Variants in PCDHA9 observed in about 807,000 individuals in gnomAD.
PCDHA9 encodes the protein protocadherin alpha-9.
Under a neutral mutation model 62.0 loss-of-function variants are expected in PCDHA9, and 62 were observed. That is an observed-to-expected ratio of 1.00 (90% confidence interval 0.81 to 1.23). The LOEUF (loss-of-function observed/expected upper bound fraction) is 1.23. Ranked by LOEUF, PCDHA9 falls within the 50% of genes most tolerant of loss-of-function variation. The pLI, the probability that PCDHA9 is intolerant of heterozygous loss-of-function variation, is 0.00. For synonymous variants in PCDHA9, 557 were observed against 567.6 expected (o/e 0.98, Z 0.27); for missense variants, 1,205 against 1,249.8 (o/e 0.96, Z 0.54).
chr5:140,871,393 C>T (rs782354799), intron 1 of PCDHA9: 1 of 1,614,130 alleles, frequency 6.2e-7, no homozygotes, highest in Non-Finnish European at 8.5e-7. Context: ...GGAGGGCCCA[C>T]CTAAGACGGA....
chr5:140,904,742 T>G (rs1300439121), intron 1 of PCDHA9, among the ~76,000 whole-genome samples: 1 of 152,216 alleles, frequency 6.6e-6, no homozygotes, highest in African/African-American at 2.4e-5. Context: ...TTTTTTATTA[T>G]GACCATTTTT....
intron 1 of PCDHA9, among the ~76,000 whole-genome samples, chr5:140,975,246 G>T (rs1304794782): frequency 6.6e-6 from 1 of 152,136 alleles, no homozygotes; most frequent in Non-Finnish European, 1.5e-5. Context: ...TCCCTCTTAT[G>T]CTTCAGATCT....
At chr5:140,897,451 TC>T (rs2066120094) in intron 1 of PCDHA9, among the ~76,000 whole-genome samples, 1 of 151,584 alleles carries the variant, frequency 6.6e-6, no homozygotes, top group Non-Finnish European at 1.5e-5. Context: ...TGGTTTTTTG[TC>T]CTTGCGATAG....
At chr5:140,986,511 C>T (rs181646630) in intron 3 of PCDHA9, among the ~76,000 whole-genome samples, 76 of 152,288 alleles carry the variant, frequency 5.0e-4, no homozygotes, top group African/African-American at 1.8e-3. Context: ...AAGGACTGCC[C>T]CTGCCTGTGA....
intron 1 of PCDHA9, among the ~76,000 whole-genome samples, chr5:140,972,097 T>C (rs1554233843): frequency 1.3e-5 from 2 of 152,196 alleles, no homozygotes; most frequent in South Asian, 2.1e-4. Context: ...ATTTCTGGCA[T>C]AGAAGCAGGT....
rs1378161589 is a variant in PCDHA9 at position 140,853,784 on chromosome 5, G to A, written c.2394+2895G>A. Reference sequence around the variant, plus strand: ...AGAAATTCTGAAATGGGTAGTAAGAGCAAATTTTCATTTTAAAGCACACCT... The same window carrying A: ...AGAAATTCTGAAATGGGTAGTAAGAACAAATTTTCATTTTAAAGCACACCT... On this transcript the variant is annotated intron_variant, in intron 1 of 3. Coordinates refer to ENST00000532602, the MANE Select transcript of PCDHA9 (RefSeq NM_031857.2). The A allele has an allele frequency of 6.1e-6, 6 of 987,548 alleles. 1 individual carries two copies. Among genetic ancestry groups the A allele is most frequent in the Non-Finnish European group, 7.3e-6 (6 of 819,678 alleles). The allele number at this position is 987,548 out of a possible 1,614,324, so 61.2% of individuals were successfully genotyped here.
In PCDHA9 at chr5:141,009,914, A is replaced by T; in HGVS notation, c.2830A>T (p.Thr944Ser). The change falls in exon 4 of 4, where the codon ACG (threonine) becomes TCG (serine). Residue 944 changes from threonine (T) to serine (S), a missense_variant. Thr to Ser is a moderately conservative substitution (Grantham distance 58). Coordinates refer to ENST00000532602, the MANE Select transcript of PCDHA9 (RefSeq NM_031857.2). ...GGAGAAAAAAGAGAAAGGGAACAGCACGACTGACAACAGTGACCAGTGAGG... is the reference window on the plus strand; with the variant it reads ...GGAGAAAAAAGAGAAAGGGAACAGCTCGACTGACAACAGTGACCAGTGAGG... ...TQEKKEKGNSTTDNSDQ is the reference protein window; with the variant it reads ...TQEKKEKGNSSTDNSDQ The T allele has an allele frequency of 6.2e-7, 1 of 1,611,466 alleles. No homozygotes were observed. The highest frequency in any genetic ancestry group is 8.5e-7 in the Non-Finnish European group (1 of 1,179,328).
At chr5:140,851,804 A>G (rs2042163205) in intron 1 of PCDHA9, 6 of 945,718 alleles carry the variant, frequency 6.3e-6, no homozygotes, top group Non-Finnish European at 7.7e-6. Context: ...TCTGTCAGTA[A>G]TCCATAAGAC....
rs2150456156 is a variant in PCDHA9, at chr5:140,849,880, T to G, written c.1385T>G (p.Val462Gly). The change falls in exon 1 of 4, where the codon GTG (valine) becomes GGG (glycine). Residue 462 changes from valine to glycine, a missense_variant. By Grantham distance (109) the Val-to-Gly change is moderately radical (BLOSUM62 -3). Transcript: ENST00000532602. ...APAFAQSEYT[V>G]FVKENNPPGC... ...GCGTTCGCGCAGTCCGAGTACACGG[T>G]GTTCGTGAAGGAGAACAACCCGCCG... 3.1e-6 allele frequency: 5 copies of G among 1,598,328 alleles called. No individual in the cohort carries two copies. Among genetic ancestry groups the G allele is most frequent in the Non-Finnish European group, 4.3e-6 (5 of 1,167,902 alleles).
intron 1 of PCDHA9, chr5:140,858,898 G>A (rs1260279768): frequency 4.9e-6 from 1 of 204,806 alleles, no homozygotes; most frequent in East Asian, 1.4e-4. Context: ...AATATGTGTA[G>A]CGTACCACAG....
At chr5:140,883,066 C>G in intron 1 of PCDHA9, 1 of 1,614,070 alleles carries the variant, frequency 6.2e-7, no homozygotes. Flanking sequence ...AGCTAAATGC[C>G]ACAGATCCTG....
chr5:140,908,844 C>G (rs533219921), intron 1 of PCDHA9, among the ~76,000 whole-genome samples: 1 of 152,156 alleles, frequency 6.6e-6, no homozygotes, highest in Non-Finnish European at 1.5e-5. Flanking sequence ...GCTGGAGTAA[C>G]ATACCCAAAT....
At chr5:140,969,522 T>C in intron 1 of PCDHA9, 5 of 1,397,290 alleles carry the variant, frequency 3.6e-6, no homozygotes, top group Non-Finnish European at 4.7e-6. Context: ...AAGAATTGTT[T>C]TATTTTTCAT....
In PCDHA9 at chr5:140,855,439, C is replaced by A. The variant is rs190954774; in HGVS notation, c.2394+4550C>A. On this transcript the variant is annotated intron_variant, in intron 1 of 3. Coordinates refer to ENST00000532602, the MANE Select transcript of PCDHA9 (RefSeq NM_031857.2). ...CTCTAAATTCTAGTGATGACTAGAT[C>A]TTCGGAGTTATAAACACCTCACAGA... Among the ~76,000 whole-genome samples the A allele has an allele frequency of 4.7e-5, 7 of 149,934 alleles. 1 individual carries two copies. The Admixed American group carries it at 4.7e-4, about 10-fold the overall frequency.
intron 1 of PCDHA9, among the ~76,000 whole-genome samples, chr5:140,966,046 G>A (rs1329363755): frequency 6.6e-6 from 1 of 152,212 alleles, no homozygotes. Context: ...CCCATCGCCA[G>A]TAACCCCAGA....
intron 1 of PCDHA9, chr5:140,856,523 G>A (rs1554148798): frequency 6.3e-7 from 1 of 1,598,526 alleles, no homozygotes; most frequent in Admixed American, 1.7e-5. Context: ...CGCATCTGAT[G>A]CGGATGTTGG....
intron 1 of PCDHA9, among the ~76,000 whole-genome samples, chr5:140,900,150 C>T (rs265315): frequency 0.046 from 7,055 of 152,208 alleles, 291 homozygotes; most frequent in African/African-American, 0.11. Context: ...TAAGAACATA[C>T]GATATTTGTC....
At chr5:140,869,497 G>T (rs2051177889) in intron 1 of PCDHA9, 2 of 1,614,084 alleles carry the variant, frequency 1.2e-6, no homozygotes. Flanking sequence ...CAACCCGCCG[G>T]TGTTCTCGCT....
chr5:140,897,052 C>G (rs2065858358), intron 1 of PCDHA9, among the ~76,000 whole-genome samples: 1 of 152,114 alleles, frequency 6.6e-6, no homozygotes, highest in Non-Finnish European at 1.5e-5. Context: ...ATTCTGCTGT[C>G]AAATACTATG....
Sources: allele counts gnomAD v4.1 joint callset (sites outside exome capture counted in the v4.1 genomes callset), GRCh38; gene constraint gnomAD v4.1.1; transcripts MANE v1.5; gene names NCBI Gene and HGNC (gene_info 2026-07-23, HGNC 2026-07-21).